The following TRAK1 variants were observed in gnomAD, a reference collection of about 807,000 sequenced individuals.
The protein encoded by TRAK1 is trafficking kinesin protein 1, also known as trafficking kinesin-binding protein 1.
TRAK1 carries 33 observed loss-of-function variants against 92.1 expected under a neutral mutation model. The observed-to-expected ratio is 0.36, with a 90% CI of 0.27 to 0.48. TRAK1 has a LOEUF of 0.48. Among genes scored for constraint, TRAK1 ranks in the 20% least tolerant of loss-of-function variants. The pLI is 0.99. For missense variants in TRAK1, 1,123 were observed against 1,257.9 expected, an observed-to-expected ratio of 0.89 and a Z score of 1.62; for synonymous variants, 521 against 517.3, an observed-to-expected ratio of 1.01 and a Z score of -0.10.
At chr3:42,030,279 T>C (rs1702072450) in intron 1 of TRAK1, among the ~76,000 whole-genome samples, 1 of 151,150 alleles carries the variant, frequency 6.6e-6, no homozygotes, top group Admixed American at 6.6e-5. Context: ...AGGATCCCTT[T>C]TGAGCTCAGG....
At chr3:42,180,274 A>G (rs1393307832) in intron 3 of TRAK1, among the ~76,000 whole-genome samples, 1 of 152,138 alleles carries the variant, frequency 6.6e-6, no homozygotes, top group Non-Finnish European at 1.5e-5. Context: ...GTAGGTATAT[A>G]TATTTATGGG....
intron 1 of TRAK1, among the ~76,000 whole-genome samples, chr3:42,081,173 G>A (rs1367047619): frequency 6.6e-6 from 1 of 152,204 alleles, no homozygotes; most frequent in Non-Finnish European, 1.5e-5. Context: ...ACTGGGCCTG[G>A]CCACTGTGAG....
intron 3 of TRAK1, among the ~76,000 whole-genome samples, chr3:42,183,980 G>T (rs536995837): frequency 6.6e-6 from 1 of 152,278 alleles, no homozygotes; most frequent in East Asian, 1.9e-4. Context: ...TCAGCTAACA[G>T]AAAATTCTGT....
Position 42,225,608 on chromosome 3 carries a change from C to T in TRAK1, c.*1871C>T, listed in dbSNP as rs952172701. 1.3e-5 allele frequency: 2 copies of T among 152,094 alleles called. No individual in the cohort carries two copies. Among genetic ancestry groups the T allele is most frequent in the African/African-American group, 4.8e-5 (2 of 41,394 alleles). 9.4% of individuals were successfully genotyped at this position (152,094 alleles called of 1,614,324 possible). A position where few individuals can be genotyped will look rare whatever the true frequency, so the allele number is the denominator to read the frequency against. On this transcript the variant is annotated 3_prime_UTR_variant, in exon 16 of 16. Coordinates refer to ENST00000327628, the MANE Select transcript of TRAK1 (RefSeq NM_001042646.3). ...AAGCCACTCATCATTGCCAGAAATACCATGTAAAAATTGGCAGTTCAGAGG... is the reference window on the plus strand; with the variant it reads ...AAGCCACTCATCATTGCCAGAAATATCATGTAAAAATTGGCAGTTCAGAGG...
rs192013055 is a variant in TRAK1, at chr3:42,149,440, G to C, written c.286+23826G>C. On this transcript the variant is annotated intron_variant, in intron 2 of 15. Coordinates refer to ENST00000327628, the MANE Select transcript of TRAK1 (RefSeq NM_001042646.3). ...CTGGTGTGTTTCGGGATATTCTTCT[G>C]TCCAGTATTCTGGAAGGGCGGGGAG... The C allele has an allele frequency of 3.4e-5, 52 of 1,524,558 alleles. No homozygotes were observed. The African/African-American group carries it at 6.2e-4, about 18-fold the overall frequency. 94.4% of individuals were successfully genotyped at this position (1,524,558 alleles called of 1,614,324 possible).
chr3:42,209,900 C>T lies in TRAK1; in HGVS notation c.1878C>T (p.Asn626=), dbSNP rs776118072. The T allele has an allele frequency of 3.2e-5, 52 of 1,614,064 alleles. No homozygotes were observed. Among genetic ancestry groups the T allele is most frequent in the South Asian group, 2.9e-4 (26 of 91,092 alleles). ...DVDLDEVYCL[N]DFEEDDTGDH... ...ACCTGGACGAAGTGTACTGCCTTAA[C>T]GACTTTGAAGAAGATGACACAGGTG... The change falls in exon 14 of 16, where the codon AAC becomes AAT. Residue 626 remains asparagine (N), a synonymous_variant. Coordinates refer to ENST00000327628, the MANE Select transcript of TRAK1 (RefSeq NM_001042646.3).
intron 14 of TRAK1, 92 bp from the exon 15 acceptor site, chr3:42,219,402 C>T: frequency 3.7e-6 from 6 of 1,605,064 alleles, no homozygotes; most frequent in East Asian, 2.2e-5. Context: ...TAGCTCATCA[C>T]TTCTTGCATC....
At chr3:42,164,500 C>T (rs764684454) in intron 2 of TRAK1, among the ~76,000 whole-genome samples, 4 of 152,316 alleles carry the variant, frequency 2.6e-5, no homozygotes, top group Non-Finnish European at 4.4e-5. Flanking sequence ...TCCCTCAGCT[C>T]GAAGCACAGA....
chr3:42,197,624 G>T (rs139355680), intron 10 of TRAK1, among the ~76,000 whole-genome samples: 10 of 152,298 alleles, frequency 6.6e-5, no homozygotes, highest in African/African-American at 2.2e-4. Context: ...AAATAAGCTG[G>T]CTTAAAAGAT....
At chr3:42,177,533 C>T (rs1258842518) in intron 3 of TRAK1, among the ~76,000 whole-genome samples, 1 of 152,226 alleles carries the variant, frequency 6.6e-6, no homozygotes, top group African/African-American at 2.4e-5. Context: ...ATCATTAATG[C>T]ACTGCCCCCT....
rs149578091 is a variant in TRAK1 at position 42,094,243 on chromosome 3, G to A, written c.91+2683G>A. Among the ~76,000 whole-genome samples the A allele has an allele frequency of 6.0e-3, 910 of 152,252 alleles. 4 individuals are homozygous for A. Among genetic ancestry groups the A allele is most frequent in the Middle Eastern group, 0.02 (6 of 294 alleles). ...GCTCAGGCTGAGCAGCTGGGTTGGT[G>A]TGTGAGTCTGGGACTCATGGCCCCA... On this transcript the variant is annotated intron_variant, in intron 1 of 15. Transcript: ENST00000327628.
chr3:42,218,379 T>C, intron 14 of TRAK1: 1 of 982,228 alleles, frequency 1.0e-6, no homozygotes, highest in Non-Finnish European at 1.2e-6. Flanking sequence ...CCTCATGGCC[T>C]CTGAAATCTG....
intron 1 of TRAK1, among the ~76,000 whole-genome samples, chr3:42,032,777 G>T (rs1220436842): frequency 1.3e-5 from 2 of 152,152 alleles, no homozygotes; most frequent in Middle Eastern, 3.2e-3. Context: ...AACACTGGCT[G>T]CCAGGCATAG....
chr3:42,143,217 T>C (rs1698890838), intron 2 of TRAK1, among the ~76,000 whole-genome samples: 1 of 151,438 alleles, frequency 6.6e-6, no homozygotes, highest in Non-Finnish European at 1.5e-5. Context: ...TCCTGATCAT[T>C]TATTTTGTTC....
chr3:42,019,117 GA>G lies in TRAK1; in HGVS notation c.-519+5005del, dbSNP rs1485717250. ...AGCCTGGCAACAGAGTATTAAAAAAGAAAAAGAAAAAGAAAAAAAAAGCATA... is the reference window on the plus strand; with the variant it reads ...AGCCTGGCAACAGAGTATTAAAAAAGAAAAGAAAAAGAAAAAAAAAGCATA... On this transcript the variant is annotated intron_variant, in intron 1 of 16. Coordinates refer to the TRAK1 transcript ENST00000487159. Among the ~76,000 whole-genome samples, 12 of 150,574 alleles carry G rather than the reference GA, an allele frequency of 8.0e-5. No individual in the cohort carries two copies. The South Asian group carries it at 2.5e-3, about 32-fold the overall frequency.
intron 1 of TRAK1, among the ~76,000 whole-genome samples, chr3:42,068,550 C>T (rs1703777410): frequency 6.6e-6 from 1 of 152,192 alleles, no homozygotes; most frequent in African/African-American, 2.4e-5. Flanking sequence ...TCATTTTGCA[C>T]TCTTTGAGTT....
At position 42,223,853 on chromosome 3, in the gene TRAK1, C is replaced by G. The variant is rs182223148; in HGVS notation, c.*116C>G. On this transcript the variant is annotated 3_prime_UTR_variant, in exon 16 of 16. Coordinates refer to ENST00000327628, the MANE Select transcript of TRAK1 (RefSeq NM_001042646.3). This position sits in a 1 kb window ranked among gnomAD's most constrained non-coding sequence, Gnocchi z 6.1. ...CCCTCTGCCCTTCTCTGTCCACCCC[C>G]TCCTAAGCTAGACAAATCAACCTCG... is the stretch of plus-strand genomic sequence containing the variant. 3.7e-5 allele frequency: 45 copies of G among 1,216,612 alleles called. No individual in the cohort carries two copies. In the Admixed American group the frequency reaches 1.1e-3, roughly 30 times the overall value. 75.4% of individuals were successfully genotyped at this position (1,216,612 alleles called of 1,614,324 possible).
intron 1 of TRAK1, among the ~76,000 whole-genome samples, chr3:42,055,593 G>A (rs1202722602): frequency 6.6e-6 from 1 of 152,194 alleles, no homozygotes; most frequent in Admixed American, 6.5e-5. Context: ...TTCCTGAGTA[G>A]CTGAGATCAC....
chr3:42,035,101 C>G (rs1213919459), intron 1 of TRAK1, among the ~76,000 whole-genome samples: 1 of 152,210 alleles, frequency 6.6e-6, no homozygotes, highest in Admixed American at 6.5e-5. Context: ...GCACCCATAA[C>G]CCAGTGAATA....
Sources: gnomAD v4.1 joint callset for allele counts (sites outside exome capture counted in the v4.1 genomes callset) on GRCh38, gnomAD v4.1.1 for gene constraint, Gnocchi (gnomAD v3.1) non-coding constraint, MANE v1.5 for transcripts, NCBI Gene and HGNC (gene_info 2026-07-23, HGNC 2026-07-21) for gene names.